Variants in EYS observed in about 807,000 individuals in gnomAD.
EYS encodes EGF-like photoreceptor maintenance factor.
EYS carries 250 observed loss-of-function variants against 282.1 expected under a neutral mutation model. The ratio of observed to expected loss-of-function variants is 0.89; its 90% confidence interval spans 0.80 to 0.98. The LOEUF (loss-of-function observed/expected upper bound fraction) is 0.98, where lower values mean the gene tolerates loss of function less well. Ranked by LOEUF, EYS falls within the 50% of genes least tolerant of loss-of-function variation. The probability of loss-of-function intolerance (pLI) is 0.00; values close to 1 mark genes in which losing one functional copy is unlikely to be tolerated. For synonymous variants in EYS, 1,355 were observed against 1,282.9 expected, an observed-to-expected ratio of 1.06 and a Z score of -1.20; for missense variants, 4,016 against 3,709.0, an observed-to-expected ratio of 1.08 and a Z score of -2.15.
intron 19 of EYS, among the ~76,000 whole-genome samples, chr6:64,840,029 C>T (rs1437807010): frequency 6.6e-6 from 1 of 152,008 alleles, no homozygotes; most frequent in African/African-American, 2.4e-5. Flanking sequence ...CTAAGTAGGG[C>T]ACTTTAATTT....
intron 33 of EYS, among the ~76,000 whole-genome samples, chr6:64,056,601 C>T (rs949556391): frequency 6.6e-6 from 1 of 152,184 alleles, no homozygotes; most frequent in African/African-American, 2.4e-5. Flanking sequence ...TCTGCTACTG[C>T]ACCCTAGTGA....
chr6:63,977,104 A>G (rs921260426), intron 35 of EYS, among the ~76,000 whole-genome samples: 41 of 151,722 alleles, frequency 2.7e-4, no homozygotes, highest in Non-Finnish European at 1.6e-4. Context: ...ATAATTGTGT[A>G]AAGGGCTAAA....
intron 2 of EYS, among the ~76,000 whole-genome samples, chr6:65,549,653 A>G (rs6455047): frequency 0.35 from 53,007 of 151,996 alleles, 9,270 homozygotes; most frequent in East Asian, 0.43. Context: ...CGTTATTGAA[A>G]TTCTTAAAAC....
chr6:65,090,049 G>A (rs1774511348), intron 12 of EYS, among the ~76,000 whole-genome samples: 1 of 150,840 alleles, frequency 6.6e-6, no homozygotes, highest in Admixed American at 6.6e-5. Flanking sequence ...AAGGGCATAA[G>A]GCCATAATTC....
At chr6:64,569,048 C>G (rs1554181733) in intron 26 of EYS, among the ~76,000 whole-genome samples, 2 of 103,956 alleles carry the variant, frequency 1.9e-5, no homozygotes, top group African/African-American at 4.0e-5. Context: ...AAAAAAACAG[C>G]AAAAAAAGGC....
At position 65,537,637 on chromosome 6, in the gene EYS, G is replaced by A. The variant is rs536847878; in HGVS notation, c.-332-41644C>T. On this transcript the variant is annotated intron_variant, in intron 2 of 42. Transcript: ENST00000503581. ...GGAAAATCAAAAATTCATTTCAAAA[G>A]AAAACAGAAATTAAAGAAACAGACA... 7.8e-4 allele frequency among the ~76,000 whole-genome samples: 118 copies of A among 152,112 alleles called. 1 individual carries two copies. Among genetic ancestry groups the A allele is most frequent in the African/African-American group, 2.2e-3 (91 of 41,518 alleles).
intron 30 of EYS, among the ~76,000 whole-genome samples, chr6:64,302,076 C>A (rs142975442): frequency 2.6e-5 from 4 of 152,318 alleles, no homozygotes; most frequent in Admixed American, 1.3e-4. Context: ...GCTAAATCAA[C>A]GTACACATCC....
At chr6:64,770,137 A>T (rs1041884839) in intron 22 of EYS, among the ~76,000 whole-genome samples, 2 of 151,940 alleles carry the variant, frequency 1.3e-5, no homozygotes, top group Non-Finnish European at 2.9e-5. Context: ...CTTATTAGCA[A>T]GGAGTAGGAA....
chr6:64,455,612 T>C (rs1775535329), intron 26 of EYS, among the ~76,000 whole-genome samples: 2 of 151,962 alleles, frequency 1.3e-5, no homozygotes, highest in African/African-American at 4.8e-5. Flanking sequence ...ATGTCCCCAA[T>C]CCTCCCGACA....
At chr6:64,129,809 A>G (rs1272420240) in intron 31 of EYS, among the ~76,000 whole-genome samples, 1 of 152,158 alleles carries the variant, frequency 6.6e-6, no homozygotes, top group East Asian at 1.9e-4. Context: ...ATTTTTGTAT[A>G]AGGTGTAAGG....
intron 28 of EYS, among the ~76,000 whole-genome samples, chr6:64,425,872 A>G (rs980158533): frequency 6.6e-6 from 1 of 151,994 alleles, no homozygotes; most frequent in African/African-American, 2.4e-5. Flanking sequence ...GGATGTGTGA[A>G]TGGGGAAGGA....
At chr6:65,443,428 A>G (rs374417555) in intron 5 of EYS, among the ~76,000 whole-genome samples, 2,106 of 100,670 alleles carry the variant, frequency 0.021, 143 homozygotes, top group African/African-American at 0.053. Context: ...ATATGTACAT[A>G]TATGTACACA....
intron 12 of EYS, among the ~76,000 whole-genome samples, chr6:65,220,079 A>G: frequency 6.6e-6 from 1 of 152,268 alleles, no homozygotes; most frequent in South Asian, 2.1e-4. Context: ...GATGTGATAT[A>G]ATCCTATAGC....
At position 64,350,482 on chromosome 6, in the gene EYS, G is replaced by A. The variant is rs548061450; in HGVS notation, c.6078+38208C>T. ...TTTTGATAGCATTTTCCCAGACTTT[G>A]AAAACATAAGGAGAGAGCCAGTTGT... On this transcript the variant is annotated intron_variant, in intron 29 of 42. Transcript: ENST00000503581. Among the ~76,000 whole-genome samples, 312 of 151,528 alleles carry A rather than the reference G, an allele frequency of 2.1e-3. 1 individual carries two copies. Among genetic ancestry groups the A allele is most frequent in the Non-Finnish European group, 3.3e-3 (223 of 67,638 alleles).
chr6:63,891,198 A>G (rs868673206), intron 35 of EYS, among the ~76,000 whole-genome samples: 28 of 152,006 alleles, frequency 1.8e-4, no homozygotes, highest in African/African-American at 6.5e-4. Flanking sequence ...CCTATTCTAA[A>G]CAATAGAAGA....
intron 14 of EYS, among the ~76,000 whole-genome samples, chr6:64,990,092 C>A (rs1055724991): frequency 3.3e-5 from 5 of 151,384 alleles, no homozygotes; most frequent in African/African-American, 7.3e-5. Context: ...TAATAAACTA[C>A]CTACAGACAA....
At chr6:65,404,178 A>G (rs1248382186) in intron 6 of EYS, among the ~76,000 whole-genome samples, 1 of 151,950 alleles carries the variant, frequency 6.6e-6, no homozygotes, top group African/African-American at 2.4e-5. Flanking sequence ...TCCATCTTTA[A>G]AACCAGCCTC....
chr6:64,412,932 G>A lies in EYS; in HGVS notation c.5927+23242C>T, dbSNP rs975270537. Reference sequence around the variant, plus strand: ...AAATAGAGACAAAATTTTGGATGGAGAAGTGCTAACTAATTTAGCCGAATT... The same window carrying A: ...AAATAGAGACAAAATTTTGGATGGAAAAGTGCTAACTAATTTAGCCGAATT... On this transcript the variant is annotated intron_variant, in intron 28 of 42. Transcript: ENST00000503581. Among the ~76,000 whole-genome samples, 6 of 152,118 alleles carry A rather than the reference G, an allele frequency of 3.9e-5. No individual in the cohort carries two copies. The East Asian group carries it at 5.8e-4, about 15-fold the overall frequency.
chr6:63,954,352 C>T (rs528566886), intron 35 of EYS, among the ~76,000 whole-genome samples: 64 of 152,328 alleles, frequency 4.2e-4, no homozygotes, highest in Non-Finnish European at 7.3e-4. Flanking sequence ...TACCTCTCAG[C>T]AAGCTGAACT....
Sources: allele counts gnomAD v4.1 joint callset (sites outside exome capture counted in the v4.1 genomes callset), GRCh38; gene constraint gnomAD v4.1.1; transcripts MANE v1.5; gene names NCBI Gene and HGNC (gene_info 2026-07-23, HGNC 2026-07-21).